Variants in THOC5 observed in about 807,000 individuals in gnomAD.
THOC5 encodes the protein THO complex subunit 5, also known as Fms-interacting protein.
A neutral mutation model predicts 92.9 loss-of-function variants in THOC5; 43 were observed. The observed-to-expected ratio is 0.46, with a 90% CI of 0.36 to 0.60. The LOEUF is 0.60. THOC5 is among the 20% of genes least tolerant of loss of function. The probability of loss-of-function intolerance (pLI) is 0.00; values close to 1 mark genes in which losing one functional copy is unlikely to be tolerated. For missense variants in THOC5, 659 were observed against 849.4 expected, an observed-to-expected ratio of 0.78 and a Z score of 2.79; for synonymous variants, 296 against 320.1, an observed-to-expected ratio of 0.92 and a Z score of 0.80.
intron 3 of THOC5, 34 bp from the exon 4 acceptor site, chr22:29,543,576 G>A (rs759276172): frequency 6.5e-6 from 10 of 1,544,386 alleles, no homozygotes; most frequent in East Asian, 4.5e-5. Context: ...GCCCACTGAC[G>A]ACAGGGCTAG....
chr22:29,523,111 G>A (rs1007519249), intron 12 of THOC5, among the ~76,000 whole-genome samples: 4 of 148,936 alleles, frequency 2.7e-5, no homozygotes, highest in South Asian at 2.1e-4. Flanking sequence ...GCGTGGTGGC[G>A]CATGCCTGTA....
intron 5 of THOC5, among the ~76,000 whole-genome samples, chr22:29,542,620 T>C (rs971126167): frequency 6.6e-6 from 1 of 151,912 alleles, no homozygotes; most frequent in Non-Finnish European, 1.5e-5. Context: ...AAAAATTAGC[T>C]GGATGTGGAG....
chr22:29,521,713 G>C lies in THOC5; in HGVS notation c.1176-614C>G, dbSNP rs74535610. 7.8e-3 allele frequency among the ~76,000 whole-genome samples: 1,189 copies of C among 152,278 alleles called. 15 individuals carry two copies. The highest frequency in any genetic ancestry group is 0.026 in the African/African-American group (1,089 of 41,550). On this transcript the variant is annotated intron_variant, in intron 12 of 19. Coordinates refer to ENST00000490103, the MANE Select transcript of THOC5 (RefSeq NM_003678.5). The stretch of plus-strand genomic sequence containing the variant: ...AGCGGAGAGAAATAGTGACGCCACT[G>C]CCACCCACCTGGGATGGTTCGGGCA...
chr22:29,548,974 G>A (rs2064085064), intron 2 of THOC5, 78 bp downstream of exon 2: 2 of 1,433,544 alleles, frequency 1.4e-6, no homozygotes, highest in Non-Finnish European at 1.9e-6. Flanking sequence ...GCGACCCCGA[G>A]CTGCTGCAAA....
chr22:29,538,550 C>A (rs980722843), intron 6 of THOC5, among the ~76,000 whole-genome samples: 5 of 152,028 alleles, frequency 3.3e-5, no homozygotes, highest in Admixed American at 2.0e-4. Flanking sequence ...GTAATCCCAG[C>A]ACTTTGGGAG....
chr22:29,520,866 A>G, intron 13 of THOC5, 132 bp downstream of exon 13: 1 of 699,570 alleles, frequency 1.4e-6, no homozygotes, highest in Admixed American at 2.3e-5. Flanking sequence ...AAGAACAAAC[A>G]TTTCCTTCTA....
At chr22:29,528,587 A>G in intron 9 of THOC5, 121 bp from the exon 10 acceptor site, 1 of 901,050 alleles carries the variant, frequency 1.1e-6, no homozygotes, top group South Asian at 1.5e-5. Context: ...TTTCTCTGTA[A>G]TAAATAATAA....
intron 11 of THOC5, among the ~76,000 whole-genome samples, chr22:29,527,349 G>A (rs1306378802): frequency 6.6e-6 from 1 of 152,198 alleles, no homozygotes; most frequent in Non-Finnish European, 1.5e-5. Flanking sequence ...AGCCCAGGAG[G>A]TTGAAGTTGC....
chr22:29,523,539 C>T (rs1015886990), intron 12 of THOC5, among the ~76,000 whole-genome samples: 25 of 152,134 alleles, frequency 1.6e-4, no homozygotes, highest in African/African-American at 4.8e-4. Flanking sequence ...ACACGTTTAA[C>T]GATACCACAG....
intron 5 of THOC5, among the ~76,000 whole-genome samples, chr22:29,542,592 C>T (rs1345628380): frequency 2.0e-5 from 3 of 152,022 alleles, no homozygotes; most frequent in African/African-American, 4.8e-5. Context: ...GGCAAAACCC[C>T]GTCTCTACTA....
intron 17 of THOC5, 47 bp downstream of exon 17, chr22:29,516,955 GGGCAGCCCCGGAGAGTGTTTGATTCTT>G (rs2063344189): frequency 1.0e-5 from 15 of 1,446,398 alleles, no homozygotes; most frequent in Non-Finnish European, 1.5e-5. Flanking sequence ...CTTCTGCTTT[GGGCAGCCCCGGAGAGTGTTTGATTCTT>G]GGCAGCGCCC....
intron 19 of THOC5, 92 bp downstream of exon 19, chr22:29,511,014 A>G: frequency 7.1e-7 from 1 of 1,401,264 alleles, no homozygotes; most frequent in Non-Finnish European, 9.8e-7. Context: ...AAGTTTCAGG[A>G]AGGAAGAAGC....
intron 2 of THOC5, among the ~76,000 whole-genome samples, chr22:29,545,349 C>T (rs1340569729): frequency 6.6e-5 from 10 of 152,120 alleles, no homozygotes; most frequent in Admixed American, 5.2e-4. Flanking sequence ...CTGGCCCCTC[C>T]GAATCTCATG....
chr22:29,517,084 C>T lies in THOC5; in HGVS notation c.1626G>A (p.Ala542=), dbSNP rs370740472. 142 of 1,614,116 alleles carry T rather than the reference C, an allele frequency of 8.8e-5. No individual in the cohort carries two copies. The African/African-American group carries it at 1.4e-3, about 16-fold the overall frequency. The part of the protein sequence containing the change: ...ELHFTKDIVD[A]GLAGDTNLYY... ...AGAGATTGGTGTCCCCAGCCAGTCC[C>T]GCATCCACAATGTCTTTGGTGAAGT... The change falls in exon 17 of 20, where the codon GCG becomes GCA. Residue 542 remains alanine (A), a synonymous_variant. Coordinates refer to ENST00000490103, the MANE Select transcript of THOC5 (RefSeq NM_003678.5).
At chr22:29,544,016 A>G (rs1016461139) in intron 3 of THOC5, among the ~76,000 whole-genome samples, 2 of 151,358 alleles carry the variant, frequency 1.3e-5, no homozygotes, top group Non-Finnish European at 2.9e-5. Context: ...ATGGATTTTA[A>G]AAAACTTATC....
rs192512756 is a variant in THOC5, at chr22:29,517,390, C to T, written c.1490-24G>A. 303 of 1,605,016 alleles carry T rather than the reference C, an allele frequency of 1.9e-4. 2 individuals carry two copies. Among genetic ancestry groups the T allele is most frequent in the African/African-American group, 1.3e-3 (97 of 74,898 alleles). On this transcript the variant is annotated intron_variant, in intron 15 of 19. Transcript: ENST00000490103. ...TTCTAAAAGAGAACAAGACAGATGA[C>T]GTCACAGGTAGAAATCAGGTGCCAC...
In THOC5 at chr22:29,553,698, G is replaced by C. The variant is rs1158787758; in HGVS notation, c.-39C>G. 2 of 152,488 alleles carry C rather than the reference G, an allele frequency of 1.3e-5. No individual in the cohort carries two copies. Among genetic ancestry groups the C allele is most frequent in the Non-Finnish European group, 2.9e-5 (2 of 68,174 alleles). The allele number at this position is 152,488 out of a possible 1,614,324, so 9.4% of individuals were successfully genotyped here. On this transcript the variant is annotated 5_prime_UTR_variant, in exon 1 of 20. Transcript: ENST00000490103. Reference sequence around the variant, plus strand: ...CACAGCTCCAAGAACCTGGCACCGGGAGTAAGCCACTGCCGGAGGCGGAGC... The same window carrying C: ...CACAGCTCCAAGAACCTGGCACCGGCAGTAAGCCACTGCCGGAGGCGGAGC...
At position 29,541,867 on chromosome 22, in the gene THOC5, A is replaced by T. The variant is rs1432999061; in HGVS notation, c.452+992T>A. Among the ~76,000 whole-genome samples, 2 of 53,130 alleles carry T rather than the reference A, an allele frequency of 3.8e-5. 1 individual carries two copies. The highest frequency in any genetic ancestry group is 1.4e-4 in the African/African-American group (2 of 13,866). The allele number at this position is 53,130 out of a possible 152,430, so 34.9% of individuals were successfully genotyped here. On this transcript the variant is annotated intron_variant, in intron 5 of 19. Transcript: ENST00000490103. ...CAGAGCAAGACTCCATCTCCAAAAA[A>T]AAAAAAAAAAAAAAAAAAAAAAAAA...
At chr22:29,539,184 A>T in intron 6 of THOC5, 146 bp downstream of exon 6, 1 of 785,836 alleles carries the variant, frequency 1.3e-6, no homozygotes, top group Non-Finnish European at 2.0e-6. Context: ...GGTGAAGTTT[A>T]AACTATCCAG....
Sources: gnomAD v4.1 joint callset for allele counts (sites outside exome capture counted in the v4.1 genomes callset) on GRCh38, gnomAD v4.1.1 for gene constraint, MANE v1.5 for transcripts, NCBI Gene and HGNC (gene_info 2026-07-23, HGNC 2026-07-21) for gene names.